Variants in TENM1 observed in about 807,000 individuals in gnomAD.
TENM1 encodes teneurin transmembrane protein 1.
A neutral mutation model predicts 174.8 loss-of-function variants in TENM1; 35 were observed. The observed-to-expected ratio is 0.20, with a 90% confidence interval of 0.15 to 0.27. TENM1 has a LOEUF of 0.27. TENM1 is among the 10% of genes least tolerant of loss of function. TENM1 has a pLI of 1.00. For synonymous variants in TENM1, 781 were observed against 798.7 expected (o/e 0.98, Z 0.37); for missense variants, 1,633 against 2,130.1 (o/e 0.77, Z 4.59).
chrX:124,763,901 A>T (rs2054479276), intron 3 of TENM1, among the ~76,000 whole-genome samples: 1 of 112,412 alleles, frequency 8.9e-6, no homozygotes, highest in East Asian at 2.8e-4. Flanking sequence ...ACCTTGGATT[A>T]GTTACCTTCT....
chrX:124,603,842 A>G (rs1346114964), intron 11 of TENM1, among the ~76,000 whole-genome samples: 1 of 111,938 alleles, frequency 8.9e-6, no homozygotes, highest in African/African-American at 3.2e-5. Flanking sequence ...AGTAAAGCAA[A>G]AAATGATAAC....
intron 1 of TENM1, among the ~76,000 whole-genome samples, chrX:124,958,327 C>T (rs1341128556): frequency 1.8e-5 from 2 of 111,501 alleles, no homozygotes; most frequent in African/African-American, 6.5e-5. Flanking sequence ...ATTAATACTT[C>T]TCAAAACAAG....
intron 11 of TENM1, among the ~76,000 whole-genome samples, chrX:124,601,839 T>TA (rs772349510): frequency 4.4e-4 from 49 of 110,881 alleles, no homozygotes; most frequent in Middle Eastern, 9.3e-3. Context: ...CAAGAGGGAT[T>TA]AAAATGATAG....
chrX:125,098,242 C>G, the TENM1 span, among the ~76,000 whole-genome samples: 1 of 111,002 alleles, frequency 9.0e-6, no homozygotes, highest in African/African-American at 3.3e-5. Flanking sequence ...CCAGCCTGGG[C>G]GACAGAGCAA....
chrX:124,612,934 C>G (rs1417055715), intron 11 of TENM1, among the ~76,000 whole-genome samples: 1 of 111,603 alleles, frequency 9.0e-6, no homozygotes, highest in Non-Finnish European at 1.9e-5. Flanking sequence ...GATCATCCAG[C>G]AGATTAGTGA....
intron 22 of TENM1, among the ~76,000 whole-genome samples, chrX:124,469,583 A>G (rs2061277584): frequency 9.0e-6 from 1 of 111,651 alleles, no homozygotes; most frequent in Admixed American, 9.6e-5. Flanking sequence ...GGGTCACTAA[A>G]AAGTCTGCCC....
chrX:124,809,843 G>GGAGAGAGAGA (rs4027522), intron 3 of TENM1, among the ~76,000 whole-genome samples: 1,866 of 78,607 alleles, frequency 0.024, 42 homozygotes, highest in African/African-American at 0.042. Context: ...CATGACAGCA[G>GGAGAGAGAGA]GAGAGAGAGA....
At chrX:124,614,653 C>A (rs773037516) in intron 11 of TENM1, among the ~76,000 whole-genome samples, 2 of 112,176 alleles carry the variant, frequency 1.8e-5, no homozygotes, top group Non-Finnish European at 3.8e-5. Flanking sequence ...GAGGCCTAGG[C>A]GGGCAGATCA....
intron 6 of TENM1, among the ~76,000 whole-genome samples, chrX:124,662,561 CTTCCT>C (rs1461950878): frequency 9.1e-6 from 1 of 109,549 alleles, no homozygotes; most frequent in Non-Finnish European, 1.9e-5. Context: ...TGTTTATCTC[CTTCCT>C]TTCCTTGCTG....
chrX:124,811,769 G>A (rs767756606), intron 3 of TENM1, among the ~76,000 whole-genome samples: 6 of 111,072 alleles, frequency 5.4e-5, no homozygotes, highest in African/African-American at 9.8e-5. Context: ...CAACCTAAGC[G>A]TACACTAACA....
the TENM1 span, among the ~76,000 whole-genome samples, chrX:125,149,712 T>C: frequency 5.4e-5 from 6 of 111,659 alleles, no homozygotes; most frequent in African/African-American, 1.6e-4. Context: ...ATTGCGATCA[T>C]TGAAAAAACT....
chrX:124,441,490 T>C (rs1227132869), intron 23 of TENM1, among the ~76,000 whole-genome samples: 1 of 112,356 alleles, frequency 8.9e-6, no homozygotes, highest in Non-Finnish European at 1.9e-5. Context: ...ATGGTTGATG[T>C]AGATTGAGCT....
chrX:125,030,151 T>C, the TENM1 span, among the ~76,000 whole-genome samples: 1 of 112,048 alleles, frequency 8.9e-6, no homozygotes, highest in Non-Finnish European at 1.9e-5. Context: ...GTTTTGAGAG[T>C]TCACAGGCAG....
At chrX:124,631,248 AT>A (rs764945643) in intron 11 of TENM1, among the ~76,000 whole-genome samples, 18 of 111,858 alleles carry the variant, frequency 1.6e-4, no homozygotes, top group African/African-American at 4.9e-4. Context: ...AATGAGGCAT[AT>A]TTTTTTTAAA....
chrX:124,922,413 ACCAGCTTT>A (rs2058036777), intron 1 of TENM1, among the ~76,000 whole-genome samples: 2 of 110,890 alleles, frequency 1.8e-5, no homozygotes, highest in African/African-American at 6.5e-5. Flanking sequence ...ATTTTCGCAG[ACCAGCTTT>A]TGGCTTTGTT....
At chrX:124,444,745 A>T (rs979243366) in intron 23 of TENM1, among the ~76,000 whole-genome samples, 5 of 110,939 alleles carry the variant, frequency 4.5e-5, no homozygotes, top group African/African-American at 6.6e-5. Flanking sequence ...GCACATCTGG[A>T]TTATTTTATT....
chrX:125,130,163 G>GT, the TENM1 span, among the ~76,000 whole-genome samples: 2 of 111,221 alleles, frequency 1.8e-5, no homozygotes, highest in Non-Finnish European at 1.9e-5. Flanking sequence ...AACATTCAGT[G>GT]TTTTTTCAAA....
chrX:125,050,624 G>A, the TENM1 span, among the ~76,000 whole-genome samples: 8 of 111,609 alleles, frequency 7.2e-5, no homozygotes, highest in East Asian at 2.8e-4. Flanking sequence ...ATAAACATAC[G>A]TGTGCATGTG....
exon 24 of TENM1, chrX:124,422,384 C>G (rs147839863): frequency 1.7e-6 from 2 of 1,209,604 alleles, no homozygotes; most frequent in Non-Finnish European, 2.2e-6. Context: ...TTACTTTCCT[C>G]TCGTCTGTTT....
Sources: gnomAD v4.1 joint callset for allele counts (sites outside exome capture counted in the v4.1 genomes callset) on GRCh38, gnomAD v4.1.1 for gene constraint, MANE v1.5 for transcripts, NCBI Gene and HGNC (gene_info 2026-07-23, HGNC 2026-07-21) for gene names.